The following GPR149 variants were observed in gnomAD, a reference collection of about 807,000 sequenced individuals.
The protein encoded by GPR149 is G protein-coupled receptor 149, also known as probable G protein-coupled receptor 149.
GPR149 carries 50 observed loss-of-function variants against 50.2 expected under a neutral mutation model. The ratio of observed to expected loss-of-function variants is 1.00; its 90% CI spans 0.79 to 1.26. GPR149 has a LOEUF of 1.26. Ranked by LOEUF, GPR149 falls within the 50% of genes most tolerant of loss-of-function variation. The pLI is 0.00. For missense variants in GPR149, 983 were observed against 895.4 expected, an observed-to-expected ratio of 1.10 and a Z score of -1.25; for synonymous variants, 405 against 358.2, an observed-to-expected ratio of 1.13 and a Z score of -1.48.
chr3:154,357,351 G>A (rs934400706), intron 3 of GPR149, among the ~76,000 whole-genome samples: 6 of 151,986 alleles, frequency 3.9e-5, no homozygotes, highest in African/African-American at 1.4e-4. Context: ...TTAAACTAAA[G>A]AGCTTCTGCA....
Position 154,429,306 on chromosome 3 carries a change from G to T in GPR149, c.310C>A (p.Leu104Met). Reference sequence around the variant, plus strand: ...TACATTAAGGCAGAGGTGGTGCACAGAAATTGGAAGTAACCGGGGACCTCG... The same window carrying T: ...TACATTAAGGCAGAGGTGGTGCACATAAATTGGAAGTAACCGGGGACCTCG... ...PNEVPGYFQF[L>M]CTTSALMYLC... Residue 104 changes from leucine to methionine, a missense_variant, in exon 1 of 4, where the codon CTG becomes ATG. Coordinates refer to ENST00000389740, the MANE Select transcript of GPR149 (RefSeq NM_001038705.3). 2 of 1,614,184 alleles carry T rather than the reference G, an allele frequency of 1.2e-6. No homozygotes were observed. The highest frequency in any genetic ancestry group is 3.3e-5 in the Admixed American group (2 of 60,034).
chr3:154,356,023 T>G (rs73162324), intron 3 of GPR149, among the ~76,000 whole-genome samples: 10 of 152,134 alleles, frequency 6.6e-5, no homozygotes, highest in Non-Finnish European at 1.2e-4. Flanking sequence ...AAGAGGCAAA[T>G]AGAGTAGGCA....
chr3:154,395,578 T>C (rs1046192312), intron 3 of GPR149, among the ~76,000 whole-genome samples: 4 of 151,978 alleles, frequency 2.6e-5, no homozygotes, highest in African/African-American at 9.7e-5. Flanking sequence ...TGCTTGAGCC[T>C]AGGAGTTGGA....
rs1301562383 is a variant in GPR149 at position 154,378,187 on chromosome 3, A to C, written c.1624-39916T>G. On this transcript the variant is annotated intron_variant, in intron 3 of 3. Transcript: ENST00000389740. ...AACCTCTGCTTCCCGGGTTCCAGTG[A>C]TCCTTGTGCCTCAGCCACTGGAGTA... is the stretch of plus-strand genomic sequence containing the variant. Among the ~76,000 whole-genome samples, 39 of 146,268 alleles carry C rather than the reference A, an allele frequency of 2.7e-4. No individual in the cohort carries two copies. In the Admixed American group the frequency reaches 2.8e-3, roughly 10 times the overall value.
At chr3:154,355,845 C>T (rs773094941) in intron 3 of GPR149, among the ~76,000 whole-genome samples, 15 of 152,124 alleles carry the variant, frequency 9.9e-5, no homozygotes, top group South Asian at 2.1e-4. Flanking sequence ...TATTTTCATT[C>T]GTAAGACAGT....
chr3:154,428,700 C>T lies in GPR149; in HGVS notation c.916G>A (p.Val306Ile), dbSNP rs938383993. 6 of 1,614,062 alleles carry T rather than the reference C, an allele frequency of 3.7e-6. No homozygotes were observed. The African/African-American group carries it at 8.0e-5, about 22-fold the overall frequency. ...LYGTRSFTVS[V>I]AQKRFALILA... The stretch of plus-strand genomic sequence containing the variant: ...ATCAAAGCGAAGCGCTTCTGCGCTA[C>T]GCTCACGGTGAAGCTCCTGGTGCCA... Residue 306 changes from valine to isoleucine, a missense_variant, in exon 1 of 4, where the codon GTA (valine) becomes ATA (isoleucine). Physicochemically the swap from Val to Ile is conservative, Grantham distance 29. Transcript: ENST00000389740.
chr3:154,421,880 A>T (rs1361308126), intron 2 of GPR149, among the ~76,000 whole-genome samples: 1 of 151,722 alleles, frequency 6.6e-6, no homozygotes, highest in Non-Finnish European at 1.5e-5. Context: ...TATAAATTTT[A>T]TTTTGCTAGA....
chr3:154,365,087 AG>A (rs1213338924), intron 3 of GPR149, among the ~76,000 whole-genome samples: 1 of 152,148 alleles, frequency 6.6e-6, no homozygotes, highest in Non-Finnish European at 1.5e-5. Flanking sequence ...AGACTCTCTG[AG>A]TCATCCTTTG....
In GPR149 at chr3:154,394,184, T is replaced by G. The variant is rs367644313; in HGVS notation, c.1623+26855A>C. ...AAAATACATTACAAGGCTATAGTAA[T>G]TTAAACGATATAGTACTGGCATAAA... On this transcript the variant is annotated intron_variant, in intron 3 of 3. Transcript: ENST00000389740. Among the ~76,000 whole-genome samples the G allele has an allele frequency of 4.6e-5, 7 of 152,010 alleles. 1 individual carries two copies. The South Asian group carries it at 1.0e-3, about 22-fold the overall frequency.
At chr3:154,407,010 T>C (rs1045573342) in intron 3 of GPR149, among the ~76,000 whole-genome samples, 1 of 152,122 alleles carries the variant, frequency 6.6e-6, no homozygotes, top group Non-Finnish European at 1.5e-5. Flanking sequence ...GAAAATCAAG[T>C]GAAAGGAGTT....
chr3:154,357,681 C>T (rs1411801884), intron 3 of GPR149, among the ~76,000 whole-genome samples: 1 of 152,182 alleles, frequency 6.6e-6, no homozygotes, highest in Non-Finnish European at 1.5e-5. Context: ...AACACTTTTA[C>T]ACTGTTGGTG....
chr3:154,345,718 A>T (rs946764700), intron 3 of GPR149, among the ~76,000 whole-genome samples: 1 of 152,194 alleles, frequency 6.6e-6, no homozygotes, highest in Admixed American at 6.5e-5. Context: ...TCCAGGGTGA[A>T]ATTATAATAT....
chr3:154,403,806 C>G (rs1711606897), intron 3 of GPR149, among the ~76,000 whole-genome samples: 1 of 151,416 alleles, frequency 6.6e-6, no homozygotes, highest in African/African-American at 2.4e-5. Context: ...AAAAGAGCTG[C>G]CAGCATGTAA....
chr3:154,339,797 T>A (rs1713746385), intron 3 of GPR149, among the ~76,000 whole-genome samples: 1 of 135,990 alleles, frequency 7.4e-6, no homozygotes, highest in African/African-American at 2.8e-5. Context: ...TTTTTTTTTT[T>A]TTTTTTTTTT....
At chr3:154,408,759 C>T (rs1004041823) in intron 3 of GPR149, among the ~76,000 whole-genome samples, 2 of 152,188 alleles carry the variant, frequency 1.3e-5, no homozygotes, top group African/African-American at 2.4e-5. Context: ...CCTTGGTAGT[C>T]GAAGGCAAAA....
At chr3:154,375,522 C>G (rs1002340541) in intron 3 of GPR149, among the ~76,000 whole-genome samples, 1 of 152,112 alleles carries the variant, frequency 6.6e-6, no homozygotes, top group Non-Finnish European at 1.5e-5. Context: ...TGAATGAATC[C>G]TAATACTGAA....
In GPR149 at chr3:154,427,538, T is replaced by C. The variant is rs1476082166; in HGVS notation, c.1152A>G (p.Ala384=). ...CIINCRQNAY[A]VASDGKKIKR... Reference sequence around the variant, plus strand: ...TACTTTTTTTCCCATCGGACGCCACTGCATATGCGTTCTGCCTGCAGTTGA... The same window carrying C: ...TACTTTTTTTCCCATCGGACGCCACCGCATATGCGTTCTGCCTGCAGTTGA... The change falls in exon 2 of 4, where the codon GCA becomes GCG. Residue 384 remains alanine (A), a synonymous_variant. Coordinates refer to ENST00000389740, the MANE Select transcript of GPR149 (RefSeq NM_001038705.3). 1 of 1,612,952 alleles carries C rather than the reference T, an allele frequency of 6.2e-7. No individual in the cohort carries two copies. The highest frequency in any genetic ancestry group is 2.2e-5 in the East Asian group (1 of 44,874).
At chr3:154,426,487 T>C (rs1712306153) in intron 2 of GPR149, among the ~76,000 whole-genome samples, 1 of 152,216 alleles carries the variant, frequency 6.6e-6, no homozygotes, top group South Asian at 2.1e-4. Flanking sequence ...AATAATATAC[T>C]TGCATACTCT....
At chr3:154,352,374 G>C (rs542540439) in intron 3 of GPR149, 1 of 1,118,544 alleles carries the variant, frequency 8.9e-7, no homozygotes, top group Admixed American at 2.0e-5. Context: ...AGGTAATTTG[G>C]CTGGCACTGA....
Sources: gnomAD v4.1 joint callset for allele counts (sites outside exome capture counted in the v4.1 genomes callset) on GRCh38, gnomAD v4.1.1 for gene constraint, MANE v1.5 for transcripts, NCBI Gene and HGNC (gene_info 2026-07-23, HGNC 2026-07-21) for gene names.